The following PELI1 variants were observed in gnomAD, a reference collection of about 807,000 sequenced individuals.
The protein encoded by PELI1 is E3 ubiquitin-protein ligase pellino homolog 1.
PELI1 carries 15 observed loss-of-function variants against 41.3 expected under a neutral mutation model. The ratio of observed to expected loss-of-function variants is 0.36; its 90% CI spans 0.24 to 0.56. The LOEUF (loss-of-function observed/expected upper bound fraction) is 0.56. Among genes scored for constraint, PELI1 ranks in the 20% least tolerant of loss-of-function variants. PELI1 has a pLI of 0.82. For synonymous variants in PELI1, 178 were observed against 180.1 expected (o/e 0.99, Z 0.09); for missense variants, 403 against 525.5 (o/e 0.77, Z 2.28).
chr2:64,104,527 C>T, intron 3 of PELI1, 174 bp downstream of exon 3: 1 of 991,712 alleles, frequency 1.0e-6, no homozygotes, highest in Non-Finnish European at 1.3e-6. Flanking sequence ...GTCCAATTCC[C>T]CTTCCATATG....
Position 64,096,172 on chromosome 2 carries a change from C to T in PELI1, c.643G>A (p.Val215Ile). The T allele has an allele frequency of 6.2e-7, 1 of 1,614,114 alleles. No individual in the cohort carries two copies. Among genetic ancestry groups the T allele is most frequent in the South Asian group, 1.1e-5 (1 of 91,084 alleles). The change falls in exon 6 of 7, where the codon GTA becomes ATA. Residue 215 changes from valine (V) to isoleucine (I), a missense_variant. By Grantham distance (29) the Val-to-Ile change is conservative. Transcript: ENST00000358912. ...IWREISVCGN[V>I]FSLRETRSAQ... is the part of the protein sequence containing the mutation. The stretch of plus-strand genomic sequence containing the variant: ...GATCTGGTTTCACGTAGGCTAAATA[C>T]ATTTCCACACACCGATATTTCTCTC...
chr2:64,122,367 G>GA (rs143649149), intron 1 of PELI1, among the ~76,000 whole-genome samples: 5,829 of 131,382 alleles, frequency 0.044, 387 homozygotes, highest in African/African-American at 0.15. Flanking sequence ...AAAAACTCCA[G>GA]AAAAAAAAAC....
chr2:64,111,217 C>A (rs1680797914), intron 1 of PELI1, among the ~76,000 whole-genome samples: 1 of 152,118 alleles, frequency 6.6e-6, no homozygotes, highest in Non-Finnish European at 1.5e-5. Context: ...GTCTACTTGT[C>A]TTTTTCTACA....
At chr2:64,140,979 T>TA (rs1454498653) in intron 1 of PELI1, among the ~76,000 whole-genome samples, 3 of 152,036 alleles carry the variant, frequency 2.0e-5, no homozygotes, top group East Asian at 1.9e-4. Flanking sequence ...ACCACAAGTG[T>TA]AAAAAAATCT....
intron 1 of PELI1, among the ~76,000 whole-genome samples, chr2:64,143,804 G>C (rs1371498785): frequency 2.0e-5 from 3 of 151,992 alleles, no homozygotes; most frequent in African/African-American, 7.2e-5. Context: ...GGCCAGCCAG[G>C]CGCGGGGCTC....
At chr2:64,138,320 A>G (rs554625241) in intron 1 of PELI1, among the ~76,000 whole-genome samples, 1 of 152,284 alleles carries the variant, frequency 6.6e-6, no homozygotes, top group South Asian at 2.1e-4. Context: ...CCCTCTGTGT[A>G]TAATGTCTTG....
chr2:64,136,767 G>C (rs1681729450), intron 1 of PELI1, among the ~76,000 whole-genome samples: 1 of 152,180 alleles, frequency 6.6e-6, no homozygotes, highest in Non-Finnish European at 1.5e-5. Context: ...GCTGGGCGTA[G>C]TGGTGTGCGC....
intron 1 of PELI1, among the ~76,000 whole-genome samples, chr2:64,138,269 T>C (rs1027106769): frequency 6.6e-6 from 1 of 152,168 alleles, no homozygotes; most frequent in African/African-American, 2.4e-5. Flanking sequence ...TTCTTGCAGT[T>C]GTAGGCACGC....
At chr2:64,120,134 C>T (rs1681159038) in intron 1 of PELI1, among the ~76,000 whole-genome samples, 1 of 152,180 alleles carries the variant, frequency 6.6e-6, no homozygotes, top group African/African-American at 2.4e-5. Context: ...GGAGGAACTA[C>T]AGCAGTAGCC....
At chr2:64,131,463 T>A (rs566436816) in intron 1 of PELI1, among the ~76,000 whole-genome samples, 12 of 152,266 alleles carry the variant, frequency 7.9e-5, no homozygotes, top group African/African-American at 2.9e-4. Context: ...ATTGTTATTT[T>A]TTATTATATT....
Position 64,096,415 on chromosome 2 carries a change from C to T in PELI1, c.499G>A (p.Gly167Arg), listed in dbSNP as rs747777802. 6.2e-7 allele frequency: 1 copy of T among 1,606,992 alleles called. No individual in the cohort carries two copies. Among genetic ancestry groups the T allele is most frequent in the Non-Finnish European group, 8.5e-7 (1 of 1,174,778 alleles). Residue 167 changes from glycine to arginine, a missense_variant and splice_region_variant, in exon 5 of 7, where the codon GGG (glycine) becomes AGG (arginine). Gly to Arg is a moderately radical substitution (Grantham distance 125). Transcript: ENST00000358912. ...GFDSSKNIFLGEKAAKWKTSD... is the reference protein window; with the variant it reads ...GFDSSKNIFLREKAAKWKTSD... ...CATTTAGAAAAAAAGCTTTTTACCC[C>T]AAGAAAGATGTTTTTTGATGAGTCA...
intron 3 of PELI1, 197 bp downstream of exon 3, chr2:64,104,504 T>C (rs1680553164): frequency 2.6e-6 from 2 of 777,058 alleles, no homozygotes; most frequent in South Asian, 7.9e-5. Flanking sequence ...GGTTTGTCAT[T>C]TTTTTTTTAA....
At chr2:64,116,144 T>G (rs575714809) in intron 1 of PELI1, among the ~76,000 whole-genome samples, 1 of 152,338 alleles carries the variant, frequency 6.6e-6, no homozygotes, top group South Asian at 2.1e-4. Context: ...CAGGGTCACG[T>G]GCTCCCTGAT....
intron 1 of PELI1, among the ~76,000 whole-genome samples, chr2:64,134,494 G>C (rs1681654998): frequency 6.6e-6 from 1 of 152,072 alleles, no homozygotes. Context: ...AAAGCTTTTT[G>C]ATACATAAGG....
intron 1 of PELI1, among the ~76,000 whole-genome samples, chr2:64,137,269 A>G (rs946740075): frequency 6.6e-6 from 1 of 152,224 alleles, no homozygotes; most frequent in East Asian, 1.9e-4. Flanking sequence ...ATGAAGCATG[A>G]ATATAAGAAG....
At chr2:64,108,007 C>A (rs983893944) in intron 2 of PELI1, among the ~76,000 whole-genome samples, 1 of 152,084 alleles carries the variant, frequency 6.6e-6, no homozygotes, top group Non-Finnish European at 1.5e-5. Context: ...AAACTCTGCC[C>A]TTTCTGTGGG....
intron 1 of PELI1, among the ~76,000 whole-genome samples, chr2:64,109,558 T>A (rs1680736516): frequency 6.6e-6 from 1 of 152,084 alleles, no homozygotes; most frequent in South Asian, 2.1e-4. Context: ...CACATGCCTG[T>A]AATCCCAGCT....
At chr2:64,104,517 G>T in intron 3 of PELI1, 184 bp downstream of exon 3, 4 of 878,576 alleles carry the variant, frequency 4.6e-6, no homozygotes, top group Non-Finnish European at 6.1e-6. Flanking sequence ...TTTTTTAAAA[G>T]TCCAATTCCC....
intron 3 of PELI1, among the ~76,000 whole-genome samples, chr2:64,104,320 C>T (rs1282146094): frequency 2.6e-5 from 4 of 152,152 alleles, no homozygotes; most frequent in Admixed American, 2.6e-4. Context: ...ACATATTATA[C>T]ATCACATTCT....
Sources: allele counts gnomAD v4.1 joint callset (sites outside exome capture counted in the v4.1 genomes callset), GRCh38; gene constraint gnomAD v4.1.1; transcripts MANE v1.5; gene names NCBI Gene and HGNC (gene_info 2026-07-23, HGNC 2026-07-21).